NTM: variants seen among roughly 807,000 people sequenced by gnomAD.
The protein encoded by NTM is neurotrimin.
A neutral mutation model predicts 42.1 loss-of-function variants in NTM; 13 were observed. That is an observed-to-expected ratio of 0.31 (90% CI 0.20 to 0.49). NTM has a LOEUF of 0.49. Ranked by LOEUF, NTM falls within the 20% of genes least tolerant of loss-of-function variation. The pLI is 0.99. For synonymous variants in NTM, 187 were observed against 179.2 expected (o/e 1.04, Z -0.35); for missense variants, 373 against 452.8 (o/e 0.82, Z 1.60).
chr11:131,902,299 A>C (rs2053287810), intron 1 of NTM, among the ~76,000 whole-genome samples: 1 of 152,210 alleles, frequency 6.6e-6, no homozygotes, highest in African/African-American at 2.4e-5. Flanking sequence ...AGCCTTCCAC[A>C]AACAAACAGT....
intron 1 of NTM, among the ~76,000 whole-genome samples, chr11:131,483,902 C>T (rs564699259): frequency 1.3e-5 from 2 of 152,364 alleles, no homozygotes; most frequent in East Asian, 1.9e-4. Flanking sequence ...ATTTCCTCCA[C>T]GAACCTGCAA....
chr11:132,111,326 C>A (rs1265893678), intron 2 of NTM, among the ~76,000 whole-genome samples: 1 of 151,120 alleles, frequency 6.6e-6, no homozygotes, highest in Non-Finnish European at 1.5e-5. Context: ...TTTCTTGATT[C>A]CTTGACTTTT....
chr11:132,315,662 A>G (rs1350979380), intron 7 of NTM, among the ~76,000 whole-genome samples: 1 of 152,186 alleles, frequency 6.6e-6, no homozygotes, highest in Admixed American at 6.5e-5. Flanking sequence ...CCCATGGCCC[A>G]GCCATGTGCC....
At chr11:131,545,324 T>C (rs779138898) in intron 1 of NTM, among the ~76,000 whole-genome samples, 5 of 152,178 alleles carry the variant, frequency 3.3e-5, no homozygotes, top group Non-Finnish European at 7.3e-5. Context: ...TCTGTCTCCT[T>C]TTCTGTGTAT....
chr11:131,883,181 A>G (rs1177991105), intron 1 of NTM, among the ~76,000 whole-genome samples: 1 of 152,206 alleles, frequency 6.6e-6, no homozygotes, highest in Non-Finnish European at 1.5e-5. Flanking sequence ...CAAGACTTAC[A>G]CATCAGGACA....
intron 2 of NTM, among the ~76,000 whole-genome samples, chr11:132,110,345 A>C (rs2062997578): frequency 6.6e-6 from 1 of 152,240 alleles, no homozygotes; most frequent in Non-Finnish European, 1.5e-5. Context: ...CTTAGGAAAT[A>C]ATATGGTCTT....
intron 1 of NTM, among the ~76,000 whole-genome samples, chr11:131,906,699 G>A (rs537645974): frequency 2.0e-5 from 3 of 152,074 alleles, no homozygotes; most frequent in South Asian, 2.1e-4. Flanking sequence ...ATCCACCATC[G>A]CTCTGCTTTA....
At chr11:131,492,808 G>A (rs754840696) in intron 1 of NTM, among the ~76,000 whole-genome samples, 12 of 152,142 alleles carry the variant, frequency 7.9e-5, no homozygotes, top group Non-Finnish European at 1.8e-4. Flanking sequence ...CTGAGTATAC[G>A]CAGATCTGTA....
At position 132,070,352 on chromosome 11, in the gene NTM, C is replaced by T. The variant is rs192404079; in HGVS notation, c.168-75930C>T. Among the ~76,000 whole-genome samples, 277 of 142,406 alleles carry T rather than the reference C, an allele frequency of 1.9e-3. 24 individuals carry two copies. The East Asian group carries it at 0.021, about 11-fold the overall frequency. The allele number at this position is 142,406 out of a possible 152,430, so 93.4% of individuals were successfully genotyped here. A position where few individuals can be genotyped will look rare whatever the true frequency, so the allele number is the denominator to read the frequency against. Reference sequence around the variant, plus strand: ...GTTTACACGTCACACAGCCAAAACACGTCAAACTGACCATCACAGGTTAGT... The same window carrying T: ...GTTTACACGTCACACAGCCAAAACATGTCAAACTGACCATCACAGGTTAGT... On this transcript the variant is annotated intron_variant, in intron 2 of 8. Transcript: ENST00000683400.
At chr11:131,963,224 C>A (rs2062424561) in intron 2 of NTM, among the ~76,000 whole-genome samples, 1 of 152,128 alleles carries the variant, frequency 6.6e-6, no homozygotes, top group Non-Finnish European at 1.5e-5. Context: ...GCCATGCTCC[C>A]CAAGCACCCC....
chr11:131,713,268 G>A (rs530592344), intron 1 of NTM, among the ~76,000 whole-genome samples: 39 of 152,262 alleles, frequency 2.6e-4, no homozygotes, highest in African/African-American at 9.4e-4. Context: ...GTAAAAGAAA[G>A]GGAAGGAAAA....
rs758092791 is a variant in NTM, at chr11:131,985,167, C to T, written c.167+73519C>T. Among the ~76,000 whole-genome samples, 33 of 152,140 alleles carry T rather than the reference C, an allele frequency of 2.2e-4. 1 individual carries two copies. The highest frequency in any genetic ancestry group is 8.5e-4 in the Admixed American group (13 of 15,282). ...AAAGAGGAGTAATCAATCCCAGAAA[C>T]GCTTTGGCTCTTTCTATCCATTTCT... On this transcript the variant is annotated intron_variant, in intron 2 of 8. Transcript: ENST00000683400.
At chr11:131,794,799 GC>G in intron 1 of NTM, 1 of 985,370 alleles carries the variant, frequency 1.0e-6, no homozygotes, top group African/African-American at 1.7e-5. Flanking sequence ...TACTTTGGAA[GC>G]CCCTACCTAG....
intron 2 of NTM, among the ~76,000 whole-genome samples, chr11:132,089,077 A>T (rs1594554251): frequency 6.6e-6 from 1 of 152,286 alleles, no homozygotes; most frequent in East Asian, 1.9e-4. Context: ...TTTCTGGTGA[A>T]GCTTTCCCAG....
intron 1 of NTM, among the ~76,000 whole-genome samples, chr11:131,501,490 G>T (rs2046825057): frequency 6.6e-6 from 1 of 152,152 alleles, no homozygotes; most frequent in Admixed American, 6.5e-5. Context: ...AGGAGATGAT[G>T]CTTAGAGACC....
chr11:132,213,463 A>G (rs1167520327), intron 4 of NTM, among the ~76,000 whole-genome samples: 4 of 151,804 alleles, frequency 2.6e-5, no homozygotes, highest in Non-Finnish European at 4.4e-5. Flanking sequence ...CTCTCTTCAC[A>G]TGAGACACAG....
chr11:131,495,295 G>A (rs570640179), intron 1 of NTM, among the ~76,000 whole-genome samples: 100 of 152,192 alleles, frequency 6.6e-4, no homozygotes, highest in African/African-American at 2.2e-3. Flanking sequence ...ACACTCCCCC[G>A]CCCCTGTTGT....
chr11:131,685,555 A>G (rs1296011948), intron 1 of NTM, among the ~76,000 whole-genome samples: 2 of 152,122 alleles, frequency 1.3e-5, no homozygotes, highest in African/African-American at 2.4e-5. Context: ...TGTGCTTTCT[A>G]CTTTTCTGCT....
At chr11:132,025,005 C>A (rs2074967788) in intron 2 of NTM, among the ~76,000 whole-genome samples, 1 of 152,142 alleles carries the variant, frequency 6.6e-6, no homozygotes, top group South Asian at 2.1e-4. Context: ...GTTGCACAGA[C>A]CCACAGAATG....
Sources: allele counts gnomAD v4.1 joint callset (sites outside exome capture counted in the v4.1 genomes callset), GRCh38; gene constraint gnomAD v4.1.1; transcripts MANE v1.5; gene names NCBI Gene and HGNC (gene_info 2026-07-23, HGNC 2026-07-21).